Variants in NUDT22 observed in about 807,000 individuals in gnomAD.
NUDT22 encodes the protein uridine diphosphate glucose pyrophosphatase NUDT22.
In NUDT22, 23 loss-of-function variants were observed where a neutral mutation model predicts 28.8. The observed-to-expected ratio is 0.80, with a 90% confidence interval of 0.58 to 1.13. NUDT22 has a LOEUF of 1.13. Among genes scored for constraint, NUDT22 ranks in the 50% most tolerant of loss-of-function variants. NUDT22 has a pLI of 0.00. For missense variants in NUDT22, 358 were observed against 387.3 expected, an observed-to-expected ratio of 0.92 and a Z score of 0.64; for synonymous variants, 175 against 173.7, an observed-to-expected ratio of 1.01 and a Z score of -0.06.
chr11:64,230,095 A>T (rs63552063), downstream of NUDT22: 102 of 135,962 alleles, frequency 7.5e-4, no homozygotes, highest in East Asian at 1.4e-3. Context: ...GTGACTTGGG[A>T]AAAAAAAAAA....
At chr11:64,227,771 C>T in intron 3 of NUDT22, 105 bp downstream of exon 3, 2 of 853,550 alleles carry the variant, frequency 2.3e-6, no homozygotes, top group Non-Finnish European at 3.9e-6. Context: ...GGCATCTGGC[C>T]AGCAATGAGG....
rs1299683558 is a variant in NUDT22 at position 64,226,621 on chromosome 11, G to A, written c.-18-14G>A. The A allele has an allele frequency of 2.6e-6, 4 of 1,537,302 alleles. No individual in the cohort carries two copies. Among genetic ancestry groups the A allele is most frequent in the Non-Finnish European group, 1.7e-6 (2 of 1,144,848 alleles). On this transcript the variant is annotated splice_polypyrimidine_tract_variant and intron_variant, in intron 1 of 5. Coordinates refer to ENST00000279206, the MANE Select transcript of NUDT22 (RefSeq NM_032344.4). ...GCCCCCCTGGATGACAGGCCTGGCC[G>A]TATCCTCCCCCAGAGCTGCCCCGTT...
At chr11:64,227,219 CT>C in intron 2 of NUDT22, 87 bp downstream of exon 2, 1 of 1,500,266 alleles carries the variant, frequency 6.7e-7, no homozygotes, top group South Asian at 1.2e-5. Context: ...CTTTGGTTTC[CT>C]CATTCCTTAA....
chr11:64,227,877 T>A, intron 3 of NUDT22: 1 of 419,404 alleles, frequency 2.4e-6, no homozygotes, highest in Non-Finnish European at 4.3e-6. Context: ...TTTTCTTTCT[T>A]TTTTTTTTTT....
Position 64,228,182 on chromosome 11 carries a change from C to CT in NUDT22, c.579+530dup, listed in dbSNP as rs1207902951. 3.9e-3 allele frequency among the ~76,000 whole-genome samples: 268 copies of CT among 68,830 alleles called. 1 individual carries two copies. In the East Asian group the frequency reaches 0.039, roughly 10 times the overall value. 45.2% of individuals were successfully genotyped at this position (68,830 alleles called of 152,430 possible). A position where few individuals can be genotyped will look rare whatever the true frequency, so the allele number is the denominator to read the frequency against. ...CACTGCACCAGGCCGGATTCTTCTT[C>CT]TTTTTTTTTTTTTTCTTTTTGAGAC... On this transcript the variant is annotated intron_variant, in intron 3 of 5. Transcript: ENST00000279206.
intron 2 of NUDT22, 164 bp downstream of exon 2, chr11:64,227,296 C>A (rs1275187127): frequency 2.0e-5 from 17 of 844,458 alleles, no homozygotes; most frequent in Non-Finnish European, 3.1e-5. Flanking sequence ...TCCCCACTGA[C>A]CCCTGCCCCA....
chr11:64,228,036 AT>A (rs529927601), intron 3 of NUDT22: 30 of 214,594 alleles, frequency 1.4e-4, no homozygotes, highest in South Asian at 2.4e-4. Context: ...TGCCTGGCTA[AT>A]TTTTTTTGTA....
downstream of NUDT22, chr11:64,230,153 A>T (rs1379266595): frequency 1.2e-6 from 1 of 834,286 alleles, no homozygotes; most frequent in East Asian, 2.6e-5. Context: ...GGGGATAAGA[A>T]CTGTGCCTCC....
chr11:64,229,033 G>T, intron 3 of NUDT22: 2 of 538,374 alleles, frequency 3.7e-6, no homozygotes, highest in South Asian at 2.6e-5. Flanking sequence ...GACTTCTCTT[G>T]GGTGACCTTG....
At chr11:64,227,791 G>A in intron 3 of NUDT22, 125 bp downstream of exon 3, 1 of 712,942 alleles carries the variant, frequency 1.4e-6, no homozygotes. Flanking sequence ...GGAAGAAGTT[G>A]GCTTTGCAGC....
chr11:64,229,647 G>A, intron 5 of NUDT22, 76 bp downstream of exon 5: 1 of 1,426,166 alleles, frequency 7.0e-7, no homozygotes, highest in Non-Finnish European at 9.9e-7. Flanking sequence ...TATCTTGTAG[G>A]GGAGGTGTTG....
chr11:64,226,565 G>T, intron 1 of NUDT22, 70 bp from the exon 2 acceptor site: 1 of 1,504,280 alleles, frequency 6.6e-7, no homozygotes, highest in South Asian at 1.3e-5. Flanking sequence ...GCGACAGAGG[G>T]GGCTAGCTGC....
chr11:64,227,039 A>T lies in NUDT22; in HGVS notation c.387A>T (p.Thr129=). ...TGGGGGTGGGCGCTGCACTAGCCACAGCCGATGACTTCCTTGTCTTCCTGC... is the reference window on the plus strand; with the variant it reads ...TGGGGGTGGGCGCTGCACTAGCCACTGCCGATGACTTCCTTGTCTTCCTGC... ...DPLGVGAALA[T]ADDFLVFLRR... is the part of the protein sequence containing the mutation. The change falls in exon 2 of 6, where the codon ACA becomes ACT. Residue 129 remains threonine (T), a synonymous_variant. Coordinates refer to ENST00000279206, the MANE Select transcript of NUDT22 (RefSeq NM_032344.4). The T allele has an allele frequency of 6.2e-7, 1 of 1,603,900 alleles. No homozygotes were observed. Among genetic ancestry groups the T allele is most frequent in the Non-Finnish European group, 8.5e-7 (1 of 1,179,682 alleles).
rs1443750616 is a variant in NUDT22, at chr11:64,229,834, CGTT to C, written c.772-13_772-11del. The C allele has an allele frequency of 5.0e-6, 8 of 1,612,782 alleles. No homozygotes were observed. Among genetic ancestry groups the C allele is most frequent in the East Asian group, 4.5e-5 (2 of 44,890 alleles). On this transcript the variant is annotated splice_polypyrimidine_tract_variant and intron_variant, in intron 5 of 5. Coordinates refer to ENST00000279206, the MANE Select transcript of NUDT22 (RefSeq NM_032344.4). The stretch of plus-strand genomic sequence containing the variant: ...GTGGCAAGCTTGAATGCCTGGGTCT[CGTT>C]GTCTCCCCACAGAACGTGCAGAGAT...
At chr11:64,229,781 A>T in intron 5 of NUDT22, 69 bp from the exon 6 acceptor site, 1 of 1,598,444 alleles carries the variant, frequency 6.3e-7, no homozygotes, top group East Asian at 2.2e-5. Context: ...GAGGCTCAGG[A>T]ATTCTGGGCA....
intron 3 of NUDT22, 44 bp downstream of exon 3, chr11:64,227,710 G>C (rs368212885): frequency 3.3e-5 from 50 of 1,519,656 alleles, no homozygotes; most frequent in Non-Finnish European, 4.4e-5. Context: ...ATGAAGGGAG[G>C]GGGTAGGACT....
At position 64,230,002 on chromosome 11, in the gene NUDT22, G is replaced by C; in HGVS notation, c.*12G>C. ...TCCCGCCGCTCTGAAAATAATAAAC[G>C]ACTTTATTCTTGGATTCCGTTGGCA... is the stretch of plus-strand genomic sequence containing the variant. On this transcript the variant is annotated 3_prime_UTR_variant, in exon 6 of 6. Coordinates refer to ENST00000279206, the MANE Select transcript of NUDT22 (RefSeq NM_032344.4). 6.2e-7 allele frequency: 1 copy of C among 1,609,746 alleles called. No homozygotes were observed. Among genetic ancestry groups the C allele is most frequent in the Non-Finnish European group, 8.5e-7 (1 of 1,178,666 alleles).
In NUDT22 at chr11:64,226,333, T is replaced by G. The variant is rs1947016239; in HGVS notation, c.-113T>G. The stretch of plus-strand genomic sequence containing the variant: ...GCTGGAGGCTGGAGCTTCCGGGCCC[T>G]GGAAAGGGGTCCCCGCGCGCCCCGG... On this transcript the variant is annotated 5_prime_UTR_variant, in exon 1 of 6. Coordinates refer to ENST00000279206, the MANE Select transcript of NUDT22 (RefSeq NM_032344.4). 1 of 1,192,682 alleles carries G rather than the reference T, an allele frequency of 8.4e-7. No individual in the cohort carries two copies. Among genetic ancestry groups the G allele is most frequent in the Non-Finnish European group, 1.0e-6 (1 of 954,896 alleles). The allele number at this position is 1,192,682 out of a possible 1,614,324, so 73.9% of individuals were successfully genotyped here.
Position 64,227,114 on chromosome 11 carries a change from T to A in NUDT22, c.462T>A (p.Gly154=). 1 of 1,592,190 alleles carries A rather than the reference T, an allele frequency of 6.3e-7. No homozygotes were observed. The highest frequency in any genetic ancestry group is 1.1e-5 in the South Asian group (1 of 89,214). The change falls in exon 2 of 6, where the codon GGT becomes GGA. Residue 154 remains glycine, a synonymous_variant. Coordinates refer to ENST00000279206, the MANE Select transcript of NUDT22 (RefSeq NM_032344.4). The part of the protein sequence containing the change: ...AEAPGLVDVP[G]GHPEPQALCP... ...CCCCTGGGCTGGTGGACGTACCTGG[T>A]GGGCACCCTGAGCCTCAGGTGAGAT...
Sources: gnomAD v4.1 joint callset for allele counts (sites outside exome capture counted in the v4.1 genomes callset) on GRCh38, gnomAD v4.1.1 for gene constraint, MANE v1.5 for transcripts, NCBI Gene and HGNC (gene_info 2026-07-23, HGNC 2026-07-21) for gene names.